The following DGKI variants were observed in gnomAD, a reference collection of about 807,000 sequenced individuals.
The protein encoded by DGKI is DAG kinase iota.
DGKI carries 55 observed loss-of-function variants against 147.5 expected under a neutral mutation model. The ratio of observed to expected loss-of-function variants is 0.37; its 90% confidence interval spans 0.30 to 0.47. The LOEUF (loss-of-function observed/expected upper bound fraction) is 0.47. Among genes scored for constraint, DGKI ranks in the 20% least tolerant of loss-of-function variants. The pLI is 1.00. For synonymous variants in DGKI, 469 were observed against 477.1 expected (o/e 0.98, Z 0.22); for missense variants, 1,007 against 1,323.8 (o/e 0.76, Z 3.71).
intron 6 of DGKI, among the ~76,000 whole-genome samples, chr7:137,638,261 C>G (rs1284643027): frequency 1.3e-5 from 2 of 151,792 alleles, no homozygotes; most frequent in East Asian, 3.9e-4. Flanking sequence ...CTTTGCTTCT[C>G]ACCTTTCACC....
intron 1 of DGKI, among the ~76,000 whole-genome samples, chr7:137,696,032 G>A (rs1043676512): frequency 3.3e-5 from 5 of 152,132 alleles, no homozygotes; most frequent in East Asian, 1.9e-4. Context: ...ATTATTGTTC[G>A]TACACACATC....
chr7:137,418,437 T>C (rs1037076568), intron 28 of DGKI, among the ~76,000 whole-genome samples: 13 of 152,186 alleles, frequency 8.5e-5, no homozygotes, highest in Admixed American at 8.5e-4. Flanking sequence ...TATGACTACT[T>C]CTGAAGGGAT....
At chr7:137,697,317 A>C (rs1410298203) in intron 1 of DGKI, among the ~76,000 whole-genome samples, 1 of 152,214 alleles carries the variant, frequency 6.6e-6, no homozygotes, top group Non-Finnish European at 1.5e-5. Flanking sequence ...CCCTTTATAA[A>C]CTAATAATAC....
chr7:137,650,759 T>C (rs1247248995), intron 5 of DGKI, among the ~76,000 whole-genome samples: 1 of 152,152 alleles, frequency 6.6e-6, no homozygotes, highest in Non-Finnish European at 1.5e-5. Flanking sequence ...AGAAATAATT[T>C]TTGTTGCTTA....
At chr7:137,767,471 G>GGAAGGGAAGAGAAGAGAAGA (rs1554474398) in intron 1 of DGKI, among the ~76,000 whole-genome samples, 2 of 89,616 alleles carry the variant, frequency 2.2e-5, no homozygotes, top group South Asian at 4.8e-4. Context: ...AGAAGAGAAG[G>GGAAGGGAAGAGAAGAGAAGA]GAAGAGAAGA....
chr7:137,587,284 G>A, intron 12 of DGKI, 74 bp from the exon 13 acceptor site: 2 of 1,185,368 alleles, frequency 1.7e-6, no homozygotes, highest in Non-Finnish European at 2.3e-6. Context: ...TTGAGAAACA[G>A]AGGCTTCCAA....
intron 2 of DGKI, among the ~76,000 whole-genome samples, chr7:137,681,434 G>A (rs1172148611): frequency 6.6e-6 from 1 of 152,174 alleles, no homozygotes; most frequent in Non-Finnish European, 1.5e-5. Context: ...TTCTTCGCAA[G>A]GTATCCTGAA....
intron 28 of DGKI, among the ~76,000 whole-genome samples, chr7:137,414,448 A>G (rs1254687514): frequency 6.6e-6 from 1 of 152,032 alleles, no homozygotes; most frequent in Non-Finnish European, 1.5e-5. Flanking sequence ...CACACCAATT[A>G]ATTGTTGAAC....
At chr7:137,770,559 A>T (rs1456635162) in intron 1 of DGKI, among the ~76,000 whole-genome samples, 1 of 43,566 alleles carries the variant, frequency 2.3e-5, no homozygotes, top group Non-Finnish European at 3.7e-5. Context: ...TTTGAGACGG[A>T]GTCTCGCTCT....
At chr7:137,394,796 C>G (rs1290188452) in intron 32 of DGKI, among the ~76,000 whole-genome samples, 1 of 152,190 alleles carries the variant, frequency 6.6e-6, no homozygotes, top group African/African-American at 2.4e-5. Flanking sequence ...CACTGTACCT[C>G]AACAAAACAG....
chr7:137,738,735 CT>C (rs1239538960), intron 1 of DGKI, among the ~76,000 whole-genome samples: 107 of 115,874 alleles, frequency 9.2e-4, no homozygotes, highest in African/African-American at 3.1e-3. Context: ...CCCCCCCCCC[CT>C]TTCCTTTTCA....
chr7:137,450,100 T>C (rs1813892510), intron 27 of DGKI, among the ~76,000 whole-genome samples: 1 of 151,890 alleles, frequency 6.6e-6, no homozygotes, highest in Admixed American at 6.6e-5. Context: ...AAGTAGAGAG[T>C]AGAATGGAGG....
At chr7:137,759,272 C>T (rs57370627) in intron 1 of DGKI, among the ~76,000 whole-genome samples, 41,659 of 151,862 alleles carry the variant, frequency 0.27, 5,962 homozygotes, top group Middle Eastern at 0.42. Flanking sequence ...CAATGGCCTC[C>T]AGCTCCATCC....
In DGKI at chr7:137,412,198, T is replaced by C; in HGVS notation, c.2771A>G (p.Gln924Arg). The C allele has an allele frequency of 6.2e-7, 1 of 1,613,832 alleles. No homozygotes were observed. Among genetic ancestry groups the C allele is most frequent in the Non-Finnish European group, 8.5e-7 (1 of 1,179,716 alleles). The change falls in exon 29 of 33, where the codon CAG (glutamine) becomes CGG (arginine). Residue 924 changes from glutamine (Q) to arginine (R), a missense_variant. This residue lies in a region of DGKI where 385 missense variants were observed against 445.2 expected (regional missense o/e 0.86). Transcript: ENST00000614521. ...CATAAGATCACCAGCTATTACTGCCTGCAAAATTGCTGTGAAAGACAAAAG... is the reference window on the plus strand; with the variant it reads ...CATAAGATCACCAGCTATTACTGCCCGCAAAATTGCTGTGAAAGACAAAAG... ...PVSSEDHAILQAVIAGDLMKL... is the reference protein window; with the variant it reads ...PVSSEDHAILRAVIAGDLMKL...
chr7:137,402,595 A>T (rs1811799658), intron 30 of DGKI, among the ~76,000 whole-genome samples: 1 of 152,208 alleles, frequency 6.6e-6, no homozygotes. Flanking sequence ...CTTTTGTCAC[A>T]TGCATCCTTT....
chr7:137,688,919 C>T (rs774956469), intron 2 of DGKI, among the ~76,000 whole-genome samples: 1 of 152,114 alleles, frequency 6.6e-6, no homozygotes, highest in Non-Finnish European at 1.5e-5. Context: ...CAAGCACATC[C>T]AGTCTTTTGC....
chr7:137,503,205 G>T (rs1252197428), intron 21 of DGKI, among the ~76,000 whole-genome samples: 1 of 152,094 alleles, frequency 6.6e-6, no homozygotes, highest in African/African-American at 2.4e-5. Flanking sequence ...TAATTTAGGG[G>T]TCACAGAATT....
At chr7:137,516,724 A>G (rs149631162) in intron 21 of DGKI, among the ~76,000 whole-genome samples, 309 of 152,216 alleles carry the variant, frequency 2.0e-3, no homozygotes, top group African/African-American at 7.0e-3. Flanking sequence ...GGTATCTGAC[A>G]TATAACTGAT....
At chr7:137,630,613 G>A (rs1821094617) in intron 6 of DGKI, among the ~76,000 whole-genome samples, 1 of 152,044 alleles carries the variant, frequency 6.6e-6, no homozygotes, top group African/African-American at 2.4e-5. Context: ...CCAAGACCTT[G>A]GAATTGAGAT....
Sources: gnomAD v4.1 joint callset for allele counts (sites outside exome capture counted in the v4.1 genomes callset) on GRCh38, gnomAD v4.1.1 for gene constraint, gnomAD v4.1.1 regional missense constraint, MANE v1.5 for transcripts, NCBI Gene and HGNC (gene_info 2026-07-23, HGNC 2026-07-21) for gene names.